Variants in FBN3 observed in about 807,000 individuals in gnomAD.
The protein encoded by FBN3 is fibrillin-3.
FBN3 carries 234 observed loss-of-function variants against 330.1 expected under a neutral mutation model. That is an observed-to-expected ratio of 0.71 (90% CI 0.64 to 0.79). FBN3 has a LOEUF of 0.79. FBN3 is among the 30% of genes least tolerant of loss of function. The probability of loss-of-function intolerance (pLI) is 0.00; values close to 1 mark genes in which losing one functional copy is unlikely to be tolerated. For missense variants in FBN3, 3,606 were observed against 3,886.9 expected, an observed-to-expected ratio of 0.93 and a Z score of 1.92; for synonymous variants, 1,458 against 1,517.3, an observed-to-expected ratio of 0.96 and a Z score of 0.91.
intron 41 of FBN3, among the ~76,000 whole-genome samples, chr19:8,099,237 A>G (rs1000108382): frequency 4.7e-5 from 7 of 149,914 alleles, no homozygotes; most frequent in Admixed American, 1.3e-4. Flanking sequence ...AGTTGAGGTG[A>G]TGACTGGAGG....
Position 8,121,136 on chromosome 19 carries a change from C to T in FBN3, c.3211+122G>A. 2 of 954,640 alleles carry T rather than the reference C, an allele frequency of 2.1e-6. No individual in the cohort carries two copies. Among genetic ancestry groups the T allele is most frequent in the Non-Finnish European group, 3.1e-6 (2 of 638,872 alleles). The allele number at this position is 954,640 out of a possible 1,614,324, so 59.1% of individuals were successfully genotyped here. A position where few individuals can be genotyped will look rare whatever the true frequency, so the allele number is the denominator to read the frequency against. On this transcript the variant is annotated intron_variant, in intron 25 of 63. Coordinates refer to ENST00000600128, the MANE Select transcript of FBN3 (RefSeq NM_032447.5). This position sits in a 1 kb window ranked among gnomAD's most constrained non-coding sequence, Gnocchi z 4.5. ...TCACTGTACCTCAGCTAATTTACAG[C>T]TCCTCCCTCCTCCTGCCCCCTCCAT... is the stretch of plus-strand genomic sequence containing the variant.
intron 62 of FBN3, 92 bp downstream of exon 62, chr19:8,072,971 G>C: frequency 2.5e-6 from 1 of 404,600 alleles, no homozygotes; most frequent in South Asian, 2.7e-5. Flanking sequence ...AGCCCCGTGT[G>C]TGTGTGTGTG....
chr19:8,129,181 T>C lies in FBN3; in HGVS notation c.2171-28A>G. 2 of 1,608,898 alleles carry C rather than the reference T, an allele frequency of 1.2e-6. No homozygotes were observed. Among genetic ancestry groups the C allele is most frequent in the Non-Finnish European group, 1.7e-6 (2 of 1,177,824 alleles). On this transcript the variant is annotated intron_variant, in intron 17 of 63. Coordinates refer to ENST00000600128, the MANE Select transcript of FBN3 (RefSeq NM_032447.5). This position sits in a 1 kb window ranked among gnomAD's most constrained non-coding sequence, Gnocchi z 4.5. Reference sequence around the variant, plus strand: ...GTGGGGTGGGGGTGGGAGAGAGGGGTGAGGGGTCTGCAGTGGGAGAGGCTG... The same window carrying C: ...GTGGGGTGGGGGTGGGAGAGAGGGGCGAGGGGTCTGCAGTGGGAGAGGCTG...
chr19:8,090,847 A>G (rs2082081533), intron 48 of FBN3, among the ~76,000 whole-genome samples: 1 of 152,052 alleles, frequency 6.6e-6, no homozygotes. Flanking sequence ...GGGTGTTCTC[A>G]TGCCAGGAAG....
intron 63 of FBN3, among the ~76,000 whole-genome samples, chr19:8,070,976 C>T (rs1311667030): frequency 2.7e-5 from 4 of 149,340 alleles, no homozygotes; most frequent in African/African-American, 9.9e-5. Context: ...CAGCCGAGAT[C>T]ACGCCATTGC....
In FBN3 at chr19:8,131,817, C is replaced by A; in HGVS notation, c.1727G>T (p.Cys576Phe). The A allele has an allele frequency of 6.3e-7, 1 of 1,594,766 alleles. No individual in the cohort carries two copies. ...GGHYCMDIDE[C>F]QTPGICVNGH... ...GTTCACGCAGATGCCGGGCGTCTGGCACTCGTCAATGTCTGCAGAAGCAGT... is the reference window on the plus strand; with the variant it reads ...GTTCACGCAGATGCCGGGCGTCTGGAACTCGTCAATGTCTGCAGAAGCAGT... The change falls in exon 15 of 64, where the codon TGC (cysteine) becomes TTC (phenylalanine). Residue 576 changes from cysteine to phenylalanine, a missense_variant. Physicochemically the swap from Cys to Phe is radical, Grantham distance 205. Transcript: ENST00000600128. The surrounding 1 kb of genome is among the most constrained non-coding windows in gnomAD (Gnocchi z 4.5).
chr19:8,143,437 A>G (rs2083458415), intron 6 of FBN3, among the ~76,000 whole-genome samples: 1 of 150,092 alleles, frequency 6.7e-6, no homozygotes, highest in African/African-American at 2.5e-5. Context: ...CGTCCCTGCC[A>G]CACCTCACTG....
intron 38 of FBN3, 24 bp downstream of exon 38, chr19:8,106,084 A>G (rs1478208522): frequency 1.2e-6 from 2 of 1,613,540 alleles, no homozygotes; most frequent in Non-Finnish European, 1.7e-6. Context: ...AGCCTGACCC[A>G]CCCCAAAGAG....
At position 8,136,254 on chromosome 19, in the gene FBN3, G is replaced by A. The variant is rs745372997; in HGVS notation, c.1401C>T (p.Pro467=). Reference sequence around the variant, plus strand: ...GGTAGCACCGGCAGTGGTAGGTGCCGGGGATGTTGACGCAGTCACCGTGGT... The same window carrying A: ...GGTAGCACCGGCAGTGGTAGGTGCCAGGGATGTTGACGCAGTCACCGTGGT... ...PCHHGDCVNI[P]GTYHCRCYPG... is the part of the protein sequence containing the mutation. Residue 467 remains proline (P), a synonymous_variant, in exon 12 of 64, where the codon CCC becomes CCT. Transcript: ENST00000600128. 1.8e-5 allele frequency: 29 copies of A among 1,608,200 alleles called. No individual in the cohort carries two copies. The highest frequency in any genetic ancestry group is 1.1e-4 in the East Asian group (5 of 44,868).
At position 8,087,966 on chromosome 19, in the gene FBN3, G is replaced by T. The variant is rs1397923900; in HGVS notation, c.6497-19C>A. 7 of 1,614,004 alleles carry T rather than the reference G, an allele frequency of 4.3e-6. No individual in the cohort carries two copies. Among genetic ancestry groups the T allele is most frequent in the Admixed American group, 1.7e-5 (1 of 60,004 alleles). On this transcript the variant is annotated intron_variant, in intron 52 of 63. Transcript: ENST00000600128. ...TCGATGTCTGGGGAGGCCAGTGGAG[G>T]TGCCAGCTGGGTAGGGACTGAGGGC... is the stretch of plus-strand genomic sequence containing the variant.
In FBN3 at chr19:8,075,090, G is replaced by A. The variant is rs1354699530; in HGVS notation, c.7683C>T (p.Ser2561=). The change falls in exon 61 of 64, where the codon TCC becomes TCT. Residue 2561 remains serine (S), a synonymous_variant. Coordinates refer to ENST00000600128, the MANE Select transcript of FBN3 (RefSeq NM_032447.5). ...CSCPQGFTQH[S]QWAQCVDENE... is the part of the protein sequence containing the mutation. The stretch of plus-strand genomic sequence containing the variant: ...ACTCACCCACACACTGGGCCCACTG[G>A]GAGTGCTGGGTGAAACCCTGGGGGC... 6 of 1,601,538 alleles carry A rather than the reference G, an allele frequency of 3.7e-6. No individual in the cohort carries two copies. In the East Asian group the frequency reaches 1.3e-4, roughly 36 times the overall value.
chr19:8,126,146 C>T, intron 21 of FBN3, 129 bp from the exon 22 acceptor site: 1 of 1,464,620 alleles, frequency 6.8e-7, no homozygotes. Context: ...TGGGGACTTT[C>T]AAGAAGGCCT....
At chr19:8,072,490 G>A (rs912215928) in intron 62 of FBN3, among the ~76,000 whole-genome samples, 37 of 152,116 alleles carry the variant, frequency 2.4e-4, no homozygotes, top group Admixed American at 5.2e-4. Flanking sequence ...GGGCATGTGC[G>A]TGTGCCAACC....
intron 1 of FBN3, chr19:8,147,714 T>C (rs950592572): frequency 1.2e-5 from 5 of 409,434 alleles, no homozygotes; most frequent in Admixed American, 4.2e-5. Flanking sequence ...GGGCTGAGGG[T>C]GCACAGCCAA....
intron 25 of FBN3, among the ~76,000 whole-genome samples, chr19:8,120,306 C>A (rs11881180): frequency 0.12 from 17,331 of 149,878 alleles, 3,162 homozygotes; most frequent in African/African-American, 0.39. Flanking sequence ...AGTAGCTGGA[C>A]CTACAGGTGC....
Position 8,073,286 on chromosome 19 carries a change from AC to A in FBN3, c.7713del (p.Glu2571AspfsTer127). On this transcript the variant is annotated frameshift_variant, in exon 62 of 64. Transcript: ENST00000600128. LOFTEE classifies it high-confidence loss of function. ...CCGCAGGTGGGGGGCGACAGGGCAC[AC>A]TCATTCTCATCTGTGGGAGGAAAGG... ...SQWAQCVDEN[E>X]CALSPPTCGS... 2 of 1,613,174 alleles carry A rather than the reference AC, an allele frequency of 1.2e-6. No homozygotes were observed. Among genetic ancestry groups the A allele is most frequent in the Non-Finnish European group, 1.7e-6 (2 of 1,179,490 alleles).
chr19:8,132,515 G>T (rs183278938), intron 14 of FBN3, among the ~76,000 whole-genome samples: 124 of 151,632 alleles, frequency 8.2e-4, no homozygotes, highest in Non-Finnish European at 1.3e-3. Flanking sequence ...TTCTGAGACG[G>T]AGTCTCACTC....
At chr19:8,120,530 C>T (rs559877959) in intron 25 of FBN3, among the ~76,000 whole-genome samples, 1 of 151,954 alleles carries the variant, frequency 6.6e-6, no homozygotes, top group African/African-American at 2.4e-5. Context: ...ACTCTGTCAC[C>T]CAGGCTGGAG....
chr19:8,079,651 C>A (rs1257261595), intron 59 of FBN3, among the ~76,000 whole-genome samples: 1 of 152,150 alleles, frequency 6.6e-6, no homozygotes, highest in Non-Finnish European at 1.5e-5. Context: ...AGTGCACTGG[C>A]ACGATCTCGG....
Sources: allele counts gnomAD v4.1 joint callset (sites outside exome capture counted in the v4.1 genomes callset), GRCh38; gene constraint gnomAD v4.1.1; non-coding constraint Gnocchi (gnomAD v3.1); transcripts MANE v1.5; gene names NCBI Gene and HGNC (gene_info 2026-07-23, HGNC 2026-07-21).